The following NEK6 variants were observed in gnomAD, a reference collection of about 807,000 sequenced individuals.
NEK6 encodes the protein serine/threonine-protein kinase Nek6.
Under a neutral mutation model 43.5 loss-of-function variants are expected in NEK6, and 27 were observed. The ratio of observed to expected loss-of-function variants is 0.62; its 90% CI spans 0.46 to 0.86. The LOEUF (loss-of-function observed/expected upper bound fraction) is 0.86, where lower values mean the gene tolerates loss of function less well. Ranked by LOEUF, NEK6 falls within the 40% of genes least tolerant of loss-of-function variation. The pLI, the probability that NEK6 is intolerant of heterozygous loss-of-function variation, is 0.00. For synonymous variants in NEK6, 167 were observed against 164.1 expected (o/e 1.02, Z -0.14); for missense variants, 318 against 414.4 (o/e 0.77, Z 2.02).
intron 1 of NEK6, among the ~76,000 whole-genome samples, chr9:124,282,959 C>G (rs1052729100): frequency 8.5e-5 from 13 of 152,212 alleles, no homozygotes; most frequent in South Asian, 2.1e-4. Flanking sequence ...CAGCCTCCCC[C>G]GCTTTGTGGA....
chr9:124,260,952 T>G (rs1321964419), intron 1 of NEK6: 2 of 152,284 alleles, frequency 1.3e-5, no homozygotes, highest in African/African-American at 2.4e-5. Flanking sequence ...CACTGTGGGC[T>G]GGATGCCTGG....
intron 8 of NEK6, among the ~76,000 whole-genome samples, chr9:124,347,131 T>A (rs1348683320): frequency 6.6e-6 from 1 of 152,078 alleles, no homozygotes; most frequent in Non-Finnish European, 1.5e-5. Context: ...GCTGCCTCCC[T>A]CCCTCCTGAA....
intron 2 of NEK6, among the ~76,000 whole-genome samples, chr9:124,311,032 T>C (rs548733941): frequency 2.8e-4 from 42 of 152,308 alleles, no homozygotes; most frequent in African/African-American, 9.4e-4. Context: ...AGAGGAGAAG[T>C]TGATGGACCC....
intron 1 of NEK6, among the ~76,000 whole-genome samples, chr9:124,279,036 C>T (rs909849875): frequency 1.3e-5 from 2 of 151,908 alleles, no homozygotes; most frequent in African/African-American, 2.4e-5. Flanking sequence ...TCAATTTGGG[C>T]GAAGTTTCCC....
Position 124,347,816 on chromosome 9 carries a change from C to G in NEK6, c.825C>G (p.Ser275=), listed in dbSNP as rs140302963. ...DYPPLPGEHY[S]EKLRELVSMC... Reference sequence around the variant, plus strand: ...CCCCACTCCCCGGGGAGCACTACTCCGAGAAGGTGAGTTTGCAGGAGCCGG... The same window carrying G: ...CCCCACTCCCCGGGGAGCACTACTCGGAGAAGGTGAGTTTGCAGGAGCCGG... The change falls in exon 9 of 10, where the codon TCC becomes TCG. Residue 275 remains serine, a synonymous_variant. Transcript: ENST00000320246. 1 of 1,607,034 alleles carries G rather than the reference C, an allele frequency of 6.2e-7. No homozygotes were observed. The highest frequency in any genetic ancestry group is 1.3e-5 in the African/African-American group (1 of 74,692).
chr9:124,322,993 C>T (rs898917816), intron 5 of NEK6, among the ~76,000 whole-genome samples: 6 of 152,146 alleles, frequency 3.9e-5, no homozygotes, highest in African/African-American at 1.4e-4. Context: ...CATGTCTTAG[C>T]TCTTCCTCTC....
At chr9:124,263,026 G>C (rs1016050050) in intron 1 of NEK6, 1 of 152,200 alleles carries the variant, frequency 6.6e-6, no homozygotes, top group Non-Finnish European at 1.5e-5. Context: ...CAGGTGAGTG[G>C]CAGTATGGGA....
intron 1 of NEK6, among the ~76,000 whole-genome samples, chr9:124,289,551 C>T (rs566482509): frequency 4.6e-5 from 7 of 152,240 alleles, no homozygotes; most frequent in East Asian, 3.9e-4. Context: ...AGCCACAGCC[C>T]CACGTCACTA....
At chr9:124,331,275 A>AAAAC (rs1828982669) in intron 7 of NEK6, among the ~76,000 whole-genome samples, 2 of 145,726 alleles carry the variant, frequency 1.4e-5, no homozygotes, top group Non-Finnish European at 3.0e-5. Flanking sequence ...AAAAAAAAAC[A>AAAAC]AAACATTTTG....
intron 5 of NEK6, among the ~76,000 whole-genome samples, chr9:124,322,269 C>T (rs112555758): frequency 1.1e-4 from 16 of 152,094 alleles, no homozygotes; most frequent in African/African-American, 3.9e-4. Flanking sequence ...AGTGACTGTT[C>T]GAGTCACATG....
Position 124,326,300 on chromosome 9 carries a change from C to A in NEK6, c.406-30C>A. On this transcript the variant is annotated intron_variant, in intron 5 of 9. Transcript: ENST00000320246. This position sits in a 1 kb window ranked among gnomAD's most constrained non-coding sequence, Gnocchi z 4.5. ...CACCTCCAAGCCCGCTCACCCGGGCCTATCCCTCTGCTTGTCTCCCCCACT... is the reference window on the plus strand; with the variant it reads ...CACCTCCAAGCCCGCTCACCCGGGCATATCCCTCTGCTTGTCTCCCCCACT... 1 of 1,561,784 alleles carries A rather than the reference C, an allele frequency of 6.4e-7. No individual in the cohort carries two copies. The highest frequency in any genetic ancestry group is 8.8e-7 in the Non-Finnish European group (1 of 1,139,050).
chr9:124,345,298 A>T (rs888051137), intron 8 of NEK6, among the ~76,000 whole-genome samples: 1 of 152,224 alleles, frequency 6.6e-6, no homozygotes, highest in African/African-American at 2.4e-5. Context: ...TAATCCGCGC[A>T]GCCCAGAGCT....
intron 6 of NEK6, among the ~76,000 whole-genome samples, chr9:124,327,111 A>T (rs1317133380): frequency 6.6e-6 from 1 of 152,146 alleles, no homozygotes; most frequent in Non-Finnish European, 1.5e-5. Context: ...CTTAACCCTC[A>T]CAGCAGCTCT....
At chr9:124,269,803 GT>G (rs1371903544) in intron 1 of NEK6, among the ~76,000 whole-genome samples, 2 of 152,136 alleles carry the variant, frequency 1.3e-5, no homozygotes, top group African/African-American at 4.8e-5. Flanking sequence ...TCTCTTTGTT[GT>G]TGGTTTTGCA....
At chr9:124,267,431 A>G (rs1241233924) in intron 1 of NEK6, among the ~76,000 whole-genome samples, 1 of 152,228 alleles carries the variant, frequency 6.6e-6, no homozygotes, top group Non-Finnish European at 1.5e-5. Context: ...CAGTGTGTGT[A>G]CATTTCCTTT....
At chr9:124,327,190 G>A (rs1056329795) in intron 6 of NEK6, 148 bp from the exon 7 acceptor site, 26 of 676,120 alleles carry the variant, frequency 3.8e-5, no homozygotes, top group African/African-American at 2.3e-4. Flanking sequence ...TCAATTTCCC[G>A]AGGTCCCACA....
chr9:124,301,433 G>A (rs539035934), intron 1 of NEK6, among the ~76,000 whole-genome samples: 2 of 152,174 alleles, frequency 1.3e-5, no homozygotes, highest in African/African-American at 2.4e-5. Context: ...CGTGTGGTGC[G>A]CCAGGGCCCA....
chr9:124,327,942 G>A (rs1406144991), intron 7 of NEK6, among the ~76,000 whole-genome samples: 1 of 152,200 alleles, frequency 6.6e-6, no homozygotes, highest in Non-Finnish European at 1.5e-5. Flanking sequence ...GGGAAGGGGA[G>A]GGAGCAGCGT....
chr9:124,271,746 T>C (rs1474344146), intron 1 of NEK6, among the ~76,000 whole-genome samples: 1 of 152,258 alleles, frequency 6.6e-6, no homozygotes, highest in Non-Finnish European at 1.5e-5. Flanking sequence ...CTGCTGCATC[T>C]GCATCTGCAG....
Sources: gnomAD v4.1 joint callset for allele counts (sites outside exome capture counted in the v4.1 genomes callset) on GRCh38, gnomAD v4.1.1 for gene constraint, Gnocchi (gnomAD v3.1) non-coding constraint, MANE v1.5 for transcripts, NCBI Gene and HGNC (gene_info 2026-07-23, HGNC 2026-07-21) for gene names.